HAO2: variants seen among roughly 807,000 people sequenced by gnomAD.
HAO2 encodes the protein hydroxyacid oxidase 2, also known as 2-Hydroxyacid oxidase 2.
A neutral mutation model predicts 37.4 loss-of-function variants in HAO2; 42 were observed. The observed-to-expected ratio is 1.12, with a 90% confidence interval of 0.88 to 1.45. The LOEUF (loss-of-function observed/expected upper bound fraction) is 1.45. Ranked by LOEUF, HAO2 falls within the 40% of genes most tolerant of loss-of-function variation. HAO2 has a pLI of 0.00. For missense variants in HAO2, 476 were observed against 430.2 expected (o/e 1.11, Z -0.94); for synonymous variants, 180 against 162.8 (o/e 1.11, Z -0.81).
chr1:119,382,777 C>A, intron 2 of HAO2, 138 bp from the exon 3 acceptor site: 1 of 715,800 alleles, frequency 1.4e-6, no homozygotes. Flanking sequence ...AGCTCTCAGC[C>A]AACTGAACCC....
intron 2 of HAO2, among the ~76,000 whole-genome samples, chr1:119,382,297 G>GA (rs1650010063): frequency 6.6e-6 from 1 of 152,148 alleles, no homozygotes; most frequent in Admixed American, 6.5e-5. Flanking sequence ...TATAAACAAT[G>GA]AAAATCTTAG....
intron 5 of HAO2, 62 bp from the exon 6 acceptor site, chr1:119,392,048 G>A (rs1650953961): frequency 6.8e-6 from 10 of 1,469,860 alleles, no homozygotes; most frequent in Non-Finnish European, 9.3e-6. Flanking sequence ...TCATATGCCA[G>A]GAAGACCAAG....
intron 4 of HAO2, 66 bp downstream of exon 4, chr1:119,385,119 C>T: frequency 1.3e-6 from 2 of 1,553,512 alleles, no homozygotes; most frequent in Admixed American, 1.8e-5. Context: ...CTCTTTTCTC[C>T]TTTCCTCCAT....
intron 2 of HAO2, 131 bp from the exon 3 acceptor site, chr1:119,382,784 A>C (rs973168070): frequency 1.3e-6 from 1 of 774,740 alleles, no homozygotes; most frequent in African/African-American, 1.7e-5. Context: ...AGCCAACTGA[A>C]CCCACCAAGG....
Position 119,394,081 on chromosome 1 carries a change from C to T in HAO2, c.*241C>T, listed in dbSNP as rs1387042623. On this transcript the variant is annotated 3_prime_UTR_variant, in exon 8 of 8. Transcript: ENST00000325945. ...TTATATGTTGCTCTCTTGCCTAAAT[C>T]TTCCTCTGAAGTAAAAGATCTCAAA... 2 of 1,301,944 alleles carry T rather than the reference C, an allele frequency of 1.5e-6. No homozygotes were observed. Among genetic ancestry groups the T allele is most frequent in the Non-Finnish European group, 2.0e-6 (2 of 1,012,922 alleles). 80.6% of individuals were successfully genotyped at this position (1,301,944 alleles called of 1,614,324 possible).
intron 5 of HAO2, among the ~76,000 whole-genome samples, chr1:119,388,091 C>T (rs762754595): frequency 1.3e-5 from 2 of 152,180 alleles, no homozygotes; most frequent in African/African-American, 2.4e-5. Flanking sequence ...ACCTATTGAC[C>T]TGCAAACTTA....
At chr1:119,393,232 G>C (rs917568573) in intron 7 of HAO2, among the ~76,000 whole-genome samples, 1 of 152,006 alleles carries the variant, frequency 6.6e-6, no homozygotes, top group African/African-American at 2.4e-5. Flanking sequence ...ATAACATCAT[G>C]CCAGCTTCTC....
chr1:119,371,095 C>G (rs1361641143), intron 1 of HAO2, among the ~76,000 whole-genome samples: 1 of 152,156 alleles, frequency 6.6e-6, no homozygotes, highest in Non-Finnish European at 1.5e-5. Context: ...TGGGAATTGA[C>G]CAAGCTCATT....
At chr1:119,373,466 C>G (rs1015957291) in intron 1 of HAO2, among the ~76,000 whole-genome samples, 7 of 152,182 alleles carry the variant, frequency 4.6e-5, no homozygotes. Context: ...GTGCACATCT[C>G]TCTGTCTCTC....
intron 4 of HAO2, chr1:119,385,727 G>A (rs1005248771): frequency 1.0e-6 from 1 of 984,912 alleles, no homozygotes; most frequent in Non-Finnish European, 1.2e-6. Flanking sequence ...CTATAGTAGA[G>A]ATACTAAAGC....
chr1:119,378,394 T>C (rs587706402), intron 1 of HAO2, among the ~76,000 whole-genome samples: 1 of 152,166 alleles, frequency 6.6e-6, no homozygotes, highest in Admixed American at 6.5e-5. Flanking sequence ...TTCAAGAAGA[T>C]ATTTGGGTGG....
chr1:119,386,605 C>T lies in HAO2; in HGVS notation c.562-17C>T. 2.0e-6 allele frequency: 3 copies of T among 1,531,194 alleles called. No homozygotes were observed. The highest frequency in any genetic ancestry group is 2.7e-6 in the Non-Finnish European group (3 of 1,104,804). The allele number at this position is 1,531,194 out of a possible 1,614,324, so 94.9% of individuals were successfully genotyped here. On this transcript the variant is annotated splice_polypyrimidine_tract_variant and intron_variant, in intron 4 of 7. Transcript: ENST00000325945. ...TTGTGAGAGCTCAGGACTAAGTTCC[C>T]TTTTTATTTCCTATAGGGAAATGCA...
At chr1:119,386,877 T>A in intron 5 of HAO2, 46 bp downstream of exon 5, 1 of 1,165,788 alleles carries the variant, frequency 8.6e-7, no homozygotes, top group Non-Finnish European at 1.3e-6. Context: ...GAGTGCTGTG[T>A]GTGTATGTGT....
Position 119,381,144 on chromosome 1 carries a change from C to G in HAO2, c.59C>G (p.Ser20Ter). ...QAHAREQLSK[S>*]TRDFIEGGAD... ...CATGCGCGAGAGCAGCTGTCTAAGT[C>G]AACTCGGGATTTTATTGAAGGTGGA... is the stretch of plus-strand genomic sequence containing the variant. Residue 20 changes from serine to a stop codon, truncating the protein, a stop_gained, in exon 2 of 8, where the codon TCA becomes TGA. Coordinates refer to ENST00000325945, the MANE Select transcript of HAO2 (RefSeq NM_016527.4). LOFTEE classifies it high-confidence loss of function. 1.9e-6 allele frequency: 3 copies of G among 1,609,852 alleles called. 1 individual carries two copies. In the Admixed American group the frequency reaches 5.0e-5, roughly 27 times the overall value.
chr1:119,386,910 T>A (rs1650430271), intron 5 of HAO2, 79 bp downstream of exon 5: 1 of 855,552 alleles, frequency 1.2e-6, no homozygotes, highest in Non-Finnish European at 2.0e-6. Context: ...ATCAAGGGAC[T>A]CTGTGAAATC....
chr1:119,382,379 C>A (rs1445613002), intron 2 of HAO2, among the ~76,000 whole-genome samples: 1 of 152,084 alleles, frequency 6.6e-6, no homozygotes, highest in Non-Finnish European at 1.5e-5. Flanking sequence ...ATTCTCCTAC[C>A]TTCTTCTAAA....
Position 119,386,818 on chromosome 1 carries a change from A to C in HAO2, c.758A>C (p.Glu253Ala). ...VSNHGGRQLD[E>A]VLASIDALTE... Reference sequence around the variant, plus strand: ...AACCATGGTGGGAGGCAGCTTGATGAGGTTCTTGCTTCAGTAAGTAGGATT... The same window carrying C: ...AACCATGGTGGGAGGCAGCTTGATGCGGTTCTTGCTTCAGTAAGTAGGATT... Residue 253 changes from glutamate (E) to alanine (A), a missense_variant, in exon 5 of 8, where the codon GAG (glutamate) becomes GCG (alanine). By Grantham distance (107) the Glu-to-Ala change is moderately radical. Transcript: ENST00000325945. 6.2e-7 allele frequency: 1 copy of C among 1,608,308 alleles called. No homozygotes were observed. Among genetic ancestry groups the C allele is most frequent in the South Asian group, 1.1e-5 (1 of 90,948 alleles).
At chr1:119,385,176 A>G in intron 4 of HAO2, 123 bp downstream of exon 4, 1 of 1,440,234 alleles carries the variant, frequency 6.9e-7, no homozygotes, top group East Asian at 2.5e-5. Context: ...TGTGCCAGAC[A>G]CTGCGGATAA....
intron 1 of HAO2, 115 bp from the exon 2 acceptor site, chr1:119,380,963 A>G: frequency 2.3e-6 from 2 of 886,742 alleles, no homozygotes; most frequent in Non-Finnish European, 3.7e-6. Flanking sequence ...ATAAGAATAC[A>G]GGGAGACCAA....
Sources: gnomAD v4.1 joint callset for allele counts (sites outside exome capture counted in the v4.1 genomes callset) on GRCh38, gnomAD v4.1.1 for gene constraint, MANE v1.5 for transcripts, NCBI Gene and HGNC (gene_info 2026-07-23, HGNC 2026-07-21) for gene names.